RC3H1: variants seen among roughly 807,000 people sequenced by gnomAD.
The protein encoded by RC3H1 is ring finger and CCCH-type domains 1, also known as roquin-1.
A neutral mutation model predicts 138.2 loss-of-function variants in RC3H1; 50 were observed. The ratio of observed to expected loss-of-function variants is 0.36; its 90% CI spans 0.29 to 0.46. The LOEUF is 0.46. RC3H1 is among the 20% of genes least tolerant of loss of function. The pLI is 1.00. For synonymous variants in RC3H1, 462 were observed against 489.1 expected (o/e 0.94, Z 0.73); for missense variants, 1,031 against 1,388.1 (o/e 0.74, Z 4.09).
chr1:174,014,409 T>C (rs1184139652), intron 1 of RC3H1, among the ~76,000 whole-genome samples: 1 of 152,124 alleles, frequency 6.6e-6, no homozygotes. Context: ...CATAGCCACA[T>C]ATAGTTAGTG....
chr1:173,993,199 AACC>A (rs1661369425), intron 1 of RC3H1, 64 bp from the exon 2 acceptor site: 1 of 547,888 alleles, frequency 1.8e-6, no homozygotes, highest in South Asian at 2.3e-5. Flanking sequence ...GTTGAAAAAG[AACC>A]ACAAGTCCAG....
Position 173,985,378 on chromosome 1 carries a change from G to T in RC3H1, c.232-759C>A, listed in dbSNP as rs367835272. Among the ~76,000 whole-genome samples the T allele has an allele frequency of 1.3e-3, 147 of 114,996 alleles. 7 individuals carry two copies. In the South Asian group the frequency reaches 0.032, roughly 25 times the overall value. 75.4% of individuals were successfully genotyped at this position (114,996 alleles called of 152,430 possible). ...TGCCAAACTATTTTCCAAAAGCAGAGTAGCATTTTATATATCTACCAGGAG... is the reference window on the plus strand; with the variant it reads ...TGCCAAACTATTTTCCAAAAGCAGATTAGCATTTTATATATCTACCAGGAG... On this transcript the variant is annotated intron_variant, in intron 2 of 19. Transcript: ENST00000367696.
At chr1:173,961,369 C>A in intron 12 of RC3H1, 125 bp from the exon 13 acceptor site, 1 of 798,712 alleles carries the variant, frequency 1.3e-6, no homozygotes, top group Non-Finnish European at 1.9e-6. Context: ...TTTGGAAACA[C>A]CAACACTTAA....
rs988457861 is a variant in RC3H1 at position 173,933,018 on chromosome 1, C to T, written c.*5703G>A. ...AACAGAAACAAAAACAAATCTGAAACAGTAAGACCTCAATACAAGAAAACA... is the reference window on the plus strand; with the variant it reads ...AACAGAAACAAAAACAAATCTGAAATAGTAAGACCTCAATACAAGAAAACA... On this transcript the variant is annotated 3_prime_UTR_variant, in exon 20 of 20. Coordinates refer to ENST00000367696, the MANE Select transcript of RC3H1 (RefSeq NM_172071.4). The T allele has an allele frequency of 3.3e-5, 5 of 151,736 alleles. No individual in the cohort carries two copies. The highest frequency in any genetic ancestry group is 1.2e-4 in the African/African-American group (5 of 41,312). 9.4% of individuals were successfully genotyped at this position (151,736 alleles called of 1,614,324 possible).
intron 19 of RC3H1, among the ~76,000 whole-genome samples, chr1:173,940,426 G>A (rs1021905919): frequency 7.2e-5 from 11 of 151,728 alleles, no homozygotes; most frequent in African/African-American, 2.7e-4. Flanking sequence ...AGCCGAGATC[G>A]TGCCATTGCA....
intron 1 of RC3H1, among the ~76,000 whole-genome samples, chr1:174,000,053 G>A (rs534671086): frequency 4.0e-4 from 61 of 152,268 alleles, no homozygotes; most frequent in Non-Finnish European, 3.7e-4. Context: ...TTGTATGGTA[G>A]TAATGGTTGC....
intron 1 of RC3H1, among the ~76,000 whole-genome samples, chr1:174,015,196 C>T (rs2103105815): frequency 6.6e-6 from 1 of 150,886 alleles, no homozygotes; most frequent in Non-Finnish European, 1.5e-5. Flanking sequence ...ACTTCTAAAC[C>T]AATATGTTAG....
chr1:173,973,076 T>TC (rs1660433615), intron 7 of RC3H1, among the ~76,000 whole-genome samples: 1 of 152,250 alleles, frequency 6.6e-6, no homozygotes. Flanking sequence ...TTGAGATTTT[T>TC]AAGTAAAAAT....
chr1:173,984,378 T>C (rs185541344), intron 3 of RC3H1, 121 bp downstream of exon 3: 154 of 821,926 alleles, frequency 1.9e-4, no homozygotes, highest in Non-Finnish European at 8.7e-5. Context: ...GTATGGATAA[T>C]TGCATCAAAT....
At chr1:174,007,133 T>C (rs1661668327) in intron 1 of RC3H1, among the ~76,000 whole-genome samples, 1 of 152,170 alleles carries the variant, frequency 6.6e-6, no homozygotes, top group South Asian at 2.1e-4. Context: ...CTCACGCCTG[T>C]AATCCCAGCA....
intron 7 of RC3H1, 76 bp from the exon 8 acceptor site, chr1:173,972,703 T>A: frequency 1.1e-6 from 1 of 946,400 alleles, no homozygotes; most frequent in Non-Finnish European, 1.7e-6. Context: ...ATAAAAGAGT[T>A]ACTTGAAAAC....
Position 173,936,321 on chromosome 1 carries a change from A to G in RC3H1, c.*2400T>C, listed in dbSNP as rs1658576898. The G allele has an allele frequency of 6.6e-6, 1 of 152,062 alleles. No individual in the cohort carries two copies. Among genetic ancestry groups the G allele is most frequent in the African/African-American group, 2.4e-5 (1 of 41,404 alleles). 9.4% of individuals were successfully genotyped at this position (152,062 alleles called of 1,614,324 possible). On this transcript the variant is annotated 3_prime_UTR_variant, in exon 20 of 20. Transcript: ENST00000367696. The stretch of plus-strand genomic sequence containing the variant: ...GGATGATCTGACATACCCAAAGGAG[A>G]AGATCAGTCCAAATCTGCTTATAAG...
rs1659993535 is a variant in RC3H1 at position 173,964,050 on chromosome 1, G to A, written c.1754C>T (p.Pro585Leu). Residue 585 changes from proline to leucine, a missense_variant, in exon 11 of 20, where the codon CCA (proline) becomes CTA (leucine). This residue lies in a region of RC3H1 where 716 missense variants were observed against 837.9 expected (regional missense o/e 0.85). Coordinates refer to ENST00000367696, the MANE Select transcript of RC3H1 (RefSeq NM_172071.4). ...QMVPRGSQLYPAQQTDVYYQD... is the reference protein window; with the variant it reads ...QMVPRGSQLYLAQQTDVYYQD... ...ATAATAAACATCCGTCTGTTGTGCT[G>A]GATATAACTGAGAACCTCGAGGTAC... is the stretch of plus-strand genomic sequence containing the variant. 1.2e-6 allele frequency: 2 copies of A among 1,614,142 alleles called. No individual in the cohort carries two copies. Among genetic ancestry groups the A allele is most frequent in the Non-Finnish European group, 1.7e-6 (2 of 1,180,014 alleles).
chr1:174,007,791 C>G (rs1661680957), intron 1 of RC3H1, among the ~76,000 whole-genome samples: 1 of 152,026 alleles, frequency 6.6e-6, no homozygotes, highest in African/African-American at 2.4e-5. Context: ...TTTTTTTTCC[C>G]AGCATTTACT....
At position 173,931,734 on chromosome 1, in the gene RC3H1, G is replaced by A. The variant is rs996253437; in HGVS notation, c.*6987C>T. The A allele has an allele frequency of 6.6e-6, 1 of 152,078 alleles. No individual in the cohort carries two copies. The highest frequency in any genetic ancestry group is 1.5e-5 in the Non-Finnish European group (1 of 68,008). The allele number at this position is 152,078 out of a possible 1,614,324, so 9.4% of individuals were successfully genotyped here. A position where few individuals can be genotyped will look rare whatever the true frequency, so the allele number is the denominator to read the frequency against. On this transcript the variant is annotated 3_prime_UTR_variant, in exon 20 of 20. Coordinates refer to ENST00000367696, the MANE Select transcript of RC3H1 (RefSeq NM_172071.4). ...ATAAGGTCTTCAAATAAGACTTCACGGTTTGCCAGATCCTAAGGAATTATT... is the reference window on the plus strand; with the variant it reads ...ATAAGGTCTTCAAATAAGACTTCACAGTTTGCCAGATCCTAAGGAATTATT...
At chr1:173,986,719 C>T (rs972118474) in intron 2 of RC3H1, among the ~76,000 whole-genome samples, 1 of 152,192 alleles carries the variant, frequency 6.6e-6, no homozygotes, top group Non-Finnish European at 1.5e-5. Context: ...TGCGCCACCA[C>T]GCCTGGCTGA....
At position 173,983,732 on chromosome 1, in the gene RC3H1, T is replaced by C. The variant is rs1571221640; in HGVS notation, c.353-75A>G. On this transcript the variant is annotated intron_variant, in intron 3 of 19. Transcript: ENST00000367696. Reference sequence around the variant, plus strand: ...GTCCAGGAGCAATTCTTCTGTTGGGTTAACTTGTGGGTATGTGACTAGTTC... The same window carrying C: ...GTCCAGGAGCAATTCTTCTGTTGGGCTAACTTGTGGGTATGTGACTAGTTC... 1.1e-5 allele frequency: 17 copies of C among 1,517,460 alleles called. No individual in the cohort carries two copies. The East Asian group carries it at 3.8e-4, about 34-fold the overall frequency. 94.0% of individuals were successfully genotyped at this position (1,517,460 alleles called of 1,614,324 possible).
Position 173,961,814 on chromosome 1 carries a change from C to T in RC3H1, c.2113G>A (p.Val705Ile). 6.2e-7 allele frequency: 1 copy of T among 1,613,804 alleles called. No individual in the cohort carries two copies. The highest frequency in any genetic ancestry group is 8.5e-7 in the Non-Finnish European group (1 of 1,180,030). ...EIPPAAVPSY[V>I]PESRERYQQI... Reference sequence around the variant, plus strand: ...TGGTATCTTTCTCTGGATTCTGGTACATACGATGGTACTGCTGCAGGTGGA... The same window carrying T: ...TGGTATCTTTCTCTGGATTCTGGTATATACGATGGTACTGCTGCAGGTGGA... Residue 705 changes from valine to isoleucine, a missense_variant, in exon 12 of 20, where the codon GTA becomes ATA. Physicochemically the swap from Val to Ile is conservative, Grantham distance 29. Around this residue, in one of 7 missense-constraint regions of RC3H1, gnomAD observed 716 missense variants for 837.9 expected, o/e 0.85. Coordinates refer to ENST00000367696, the MANE Select transcript of RC3H1 (RefSeq NM_172071.4).
chr1:173,946,575 A>G lies in RC3H1; in HGVS notation c.2862T>C (p.His954=). ...ERISMSEVAS[H]GKPLPSAERE... is the part of the protein sequence containing the mutation. ...TCTCAGCAGATGGAAGGGGTTTTCC[A>G]TGACTGGCCACTTCTGACATAGATA... Residue 954 remains histidine, a synonymous_variant, in exon 17 of 20, where the codon CAT becomes CAC. Transcript: ENST00000367696. The G allele has an allele frequency of 6.2e-7, 1 of 1,614,124 alleles. No individual in the cohort carries two copies. The highest frequency in any genetic ancestry group is 8.5e-7 in the Non-Finnish European group (1 of 1,179,984).
Sources: allele counts gnomAD v4.1 joint callset (sites outside exome capture counted in the v4.1 genomes callset), GRCh38; gene constraint gnomAD v4.1.1; regional missense constraint gnomAD v4.1.1; transcripts MANE v1.5; gene names NCBI Gene and HGNC (gene_info 2026-07-23, HGNC 2026-07-21).